Variants in GSE1 observed in about 807,000 individuals in gnomAD.
The protein encoded by GSE1 is genetic suppressor element 1.
Under a neutral mutation model 112.6 loss-of-function variants are expected in GSE1, and 32 were observed. The observed-to-expected ratio is 0.28, with a 90% confidence interval of 0.21 to 0.38. The LOEUF (loss-of-function observed/expected upper bound fraction) is 0.38. Ranked by LOEUF, GSE1 falls within the 10% of genes least tolerant of loss-of-function variation. The pLI is 1.00. For synonymous variants in GSE1, 1,115 were observed against 735.6 expected (o/e 1.52, Z -8.35); for missense variants, 2,348 against 1,699.2 (o/e 1.38, Z -6.71).
intron 2 of GSE1, among the ~76,000 whole-genome samples, chr16:85,548,089 C>T (rs557125887): frequency 5.3e-5 from 8 of 151,364 alleles, no homozygotes; most frequent in Non-Finnish European, 8.8e-5. Flanking sequence ...ATTAGCTGGG[C>T]GTGGTGGCGC....
rs888191102 is a variant in GSE1 at position 85,473,601 on chromosome 16, G to A, written c.2464+115958G>A. ...TGCTCTGTCTTCATGTTGCCTTTGC[G>A]CTTTGTCTCCTTTTCTTGTAAGGAC... On this transcript the variant is annotated intron_variant, in intron 2 of 2. Coordinates refer to the GSE1 transcript ENST00000637419. Among the ~76,000 whole-genome samples the A allele has an allele frequency of 5.9e-5, 9 of 152,158 alleles. 1 individual carries two copies. Among genetic ancestry groups the A allele is most frequent in the East Asian group, 3.8e-4 (2 of 5,196 alleles).
intron 9 of GSE1, 69 bp from the exon 10 acceptor site, chr16:85,662,912 C>T (rs760592719): frequency 3.6e-5 from 39 of 1,085,452 alleles, no homozygotes; most frequent in Non-Finnish European, 5.3e-5. Context: ...ACACATGAGG[C>T]CCTGCGGGCA....
chr16:85,508,268 A>G (rs1433623968), intron 2 of GSE1, among the ~76,000 whole-genome samples: 1 of 152,190 alleles, frequency 6.6e-6, no homozygotes, highest in Non-Finnish European at 1.5e-5. Flanking sequence ...TCCTGACCTC[A>G]GGTGATCCAC....
chr16:85,302,969 C>T (rs938012273), intron 1 of GSE1, among the ~76,000 whole-genome samples: 1 of 152,216 alleles, frequency 6.6e-6, no homozygotes, highest in Non-Finnish European at 1.5e-5. Context: ...CTCGGCCTCC[C>T]CACTGCTAGT....
At chr16:85,635,276 G>T (rs1182071758) in intron 2 of GSE1, among the ~76,000 whole-genome samples, 1 of 152,140 alleles carries the variant, frequency 6.6e-6, no homozygotes, top group Non-Finnish European at 1.5e-5. Flanking sequence ...GGCCCGTTGG[G>T]GTCTGGTTTC....
At chr16:85,259,783 T>A (rs1907478036) in intron 1 of GSE1, among the ~76,000 whole-genome samples, 1 of 152,308 alleles carries the variant, frequency 6.6e-6, no homozygotes, top group South Asian at 2.1e-4. Flanking sequence ...CCCCCACCCC[T>A]GCACGACATC....
At position 85,506,819 on chromosome 16, in the gene GSE1, G is replaced by A. The variant is rs572199834; in HGVS notation, c.2465-127095G>A. Among the ~76,000 whole-genome samples the A allele has an allele frequency of 9.2e-5, 14 of 152,192 alleles. 1 individual carries two copies. In the South Asian group the frequency reaches 1.9e-3, roughly 20 times the overall value. On this transcript the variant is annotated intron_variant, in intron 2 of 2. Coordinates refer to the GSE1 transcript ENST00000637419. ...GCTGGGGGAAGTGATCATAGCAGACGAAGCCTTTGTTCCCCCAAACCTTAT... is the reference window on the plus strand; with the variant it reads ...GCTGGGGGAAGTGATCATAGCAGACAAAGCCTTTGTTCCCCCAAACCTTAT...
In GSE1 at chr16:85,420,072, G is replaced by C. The variant is rs147144988; in HGVS notation, c.2464+62429G>C. ...TAAAGTGTCTAGAGGGGTCTGACGGGTGCCCTGGCAGACACTGAGCAGTGT... is the reference window on the plus strand; with the variant it reads ...TAAAGTGTCTAGAGGGGTCTGACGGCTGCCCTGGCAGACACTGAGCAGTGT... On this transcript the variant is annotated intron_variant, in intron 2 of 2. Transcript: ENST00000637419. Among the ~76,000 whole-genome samples, 223 of 151,890 alleles carry C rather than the reference G, an allele frequency of 1.5e-3. 1 individual carries two copies. The highest frequency in any genetic ancestry group is 5.2e-3 in the African/African-American group (215 of 41,432).
At chr16:85,608,610 C>A (rs1356396771), upstream of GSE1, among the ~76,000 whole-genome samples, 8 of 152,174 alleles carry the variant, frequency 5.3e-5, no homozygotes, top group Non-Finnish European at 1.0e-4. Flanking sequence ...GGTGTAAGAG[C>A]CACGTCTGGA....
chr16:85,224,384 C>T (rs1337860971), intron 1 of GSE1, among the ~76,000 whole-genome samples: 2 of 146,360 alleles, frequency 1.4e-5, no homozygotes, highest in Admixed American at 6.9e-5. Flanking sequence ...AAAAAATTCT[C>T]GATCTGGTTG....
intron 1 of GSE1, among the ~76,000 whole-genome samples, chr16:85,576,732 A>G (rs1254142825): frequency 6.6e-6 from 1 of 152,176 alleles, no homozygotes; most frequent in Non-Finnish European, 1.5e-5. Context: ...GACTAAAAGC[A>G]GTTGTGTCCT....
chr16:85,258,453 C>A (rs945512734), intron 1 of GSE1, among the ~76,000 whole-genome samples: 1 of 152,250 alleles, frequency 6.6e-6, no homozygotes, highest in African/African-American at 2.4e-5. Flanking sequence ...GTCCCCACCA[C>A]GAGCTGCAGA....
intron 2 of GSE1, among the ~76,000 whole-genome samples, chr16:85,636,327 C>T (rs79709786): frequency 2.8e-4 from 43 of 152,280 alleles, no homozygotes; most frequent in East Asian, 1.4e-3. Context: ...TTGTGGGGCT[C>T]GGAGTCTGCG....
chr16:85,319,465 G>A (rs934184376), intron 1 of GSE1, among the ~76,000 whole-genome samples: 15 of 152,226 alleles, frequency 9.9e-5, no homozygotes, highest in East Asian at 5.8e-4. Flanking sequence ...TCACCCTTCC[G>A]TTCCAGCGGG....
At chr16:85,614,688 G>A (rs955686361) in intron 1 of GSE1, among the ~76,000 whole-genome samples, 132 of 152,314 alleles carry the variant, frequency 8.7e-4, no homozygotes, top group African/African-American at 3.1e-3. Context: ...GATGCCAGCC[G>A]GAGTTGAGTC....
intron 2 of GSE1, among the ~76,000 whole-genome samples, chr16:85,482,879 G>A (rs2050723253): frequency 6.6e-6 from 1 of 151,982 alleles, no homozygotes; most frequent in Admixed American, 6.6e-5. Context: ...TTGGGAGGCT[G>A]AGGCAGGAGA....
At chr16:85,346,379 G>A (rs2046737578) in intron 1 of GSE1, among the ~76,000 whole-genome samples, 1 of 151,698 alleles carries the variant, frequency 6.6e-6, no homozygotes, top group African/African-American at 2.4e-5. Flanking sequence ...GTGGGCAGGT[G>A]GGTGGATGAT....
In GSE1 at chr16:85,391,623, C is replaced by T. The variant is rs144924517; in HGVS notation, c.2464+33980C>T. On this transcript the variant is annotated intron_variant, in intron 2 of 2. Coordinates refer to the GSE1 transcript ENST00000637419. ...CCCAATTCCCCTCTTTTTATAAGGA[C>T]GCAGGTCGTAATTTAATATGCCCAC... is the stretch of plus-strand genomic sequence containing the variant. Among the ~76,000 whole-genome samples, 38 of 152,276 alleles carry T rather than the reference C, an allele frequency of 2.5e-4. No individual in the cohort carries two copies. In the East Asian group the frequency reaches 6.8e-3, roughly 27 times the overall value.
chr16:85,328,045 A>C (rs546807828), intron 1 of GSE1, among the ~76,000 whole-genome samples: 1 of 152,288 alleles, frequency 6.6e-6, no homozygotes, highest in South Asian at 2.1e-4. Flanking sequence ...CCAGAAGGTC[A>C]CTCAGCCTTT....
Sources: allele counts gnomAD v4.1 joint callset (sites outside exome capture counted in the v4.1 genomes callset), GRCh38; gene constraint gnomAD v4.1.1; transcripts MANE v1.5; gene names NCBI Gene and HGNC (gene_info 2026-07-23, HGNC 2026-07-21).